ACACA: variants seen among roughly 807,000 people sequenced by gnomAD.
ACACA encodes acetyl-CoA carboxylase 1.
A neutral mutation model predicts 296.1 loss-of-function variants in ACACA; 103 were observed. The observed-to-expected ratio is 0.35, with a 90% CI of 0.30 to 0.41. The LOEUF is 0.41. ACACA is among the 10% of genes least tolerant of loss of function. The probability of loss-of-function intolerance (pLI) is 1.00; values close to 1 mark genes in which losing one functional copy is unlikely to be tolerated. For missense variants in ACACA, 1,554 were observed against 2,989.7 expected (o/e 0.52, Z 11.20); for synonymous variants, 953 against 1,038.6 (o/e 0.92, Z 1.58).
intron 50 of ACACA, among the ~76,000 whole-genome samples, chr17:37,119,183 A>G (rs754531690): frequency 3.9e-5 from 6 of 152,226 alleles, no homozygotes; most frequent in Non-Finnish European, 8.8e-5. Flanking sequence ...AGGGGTTTTC[A>G]GGCCCCCCTT....
At chr17:37,250,039 C>T (rs1226482327) in intron 16 of ACACA, among the ~76,000 whole-genome samples, 1 of 152,188 alleles carries the variant, frequency 6.6e-6, no homozygotes, top group Non-Finnish European at 1.5e-5. Context: ...CTTTGCCTTC[C>T]GCCATGATTG....
intron 45 of ACACA, among the ~76,000 whole-genome samples, chr17:37,146,594 C>T (rs1356398430): frequency 2.1e-5 from 3 of 145,254 alleles, no homozygotes; most frequent in Non-Finnish European, 3.0e-5. Flanking sequence ...CAAATAACAA[C>T]CTCGTGGTTT....
intron 25 of ACACA, among the ~76,000 whole-genome samples, chr17:37,234,537 C>A (rs2080017878): frequency 2.0e-5 from 3 of 152,052 alleles, no homozygotes; most frequent in African/African-American, 7.2e-5. Context: ...ATTTAAATTT[C>A]TCTGGTCAGA....
chr17:37,296,306 T>C (rs1268122578), intron 3 of ACACA, among the ~76,000 whole-genome samples: 1 of 144,316 alleles, frequency 6.9e-6, no homozygotes, highest in Non-Finnish European at 1.5e-5. Context: ...GGAGCCTTTT[T>C]TTTTTTTTTT....
intron 1 of ACACA, among the ~76,000 whole-genome samples, chr17:37,390,149 T>TAC (rs2050740567): frequency 3.6e-5 from 1 of 27,612 alleles, no homozygotes. Context: ...AGTATATATA[T>TAC]ATATATATAT....
chr17:37,343,763 CA>C (rs1161272864), intron 1 of ACACA, among the ~76,000 whole-genome samples: 4,253 of 67,154 alleles, frequency 0.063, 68 homozygotes, highest in African/African-American at 0.11. Context: ...GACTCTGTCT[CA>C]AAAAAAAAAA....
chr17:37,216,604 T>A (rs545615896), intron 29 of ACACA, among the ~76,000 whole-genome samples: 1 of 151,880 alleles, frequency 6.6e-6, no homozygotes, highest in African/African-American at 2.4e-5. Context: ...CCGCAACATG[T>A]CAAACAATGC....
chr17:37,274,380 CTA>C, intron 8 of ACACA, 81 bp from the exon 9 acceptor site: 1 of 1,336,046 alleles, frequency 7.5e-7, no homozygotes, highest in Non-Finnish European at 1.1e-6. Context: ...CTTTGAAATG[CTA>C]TCATATTTAC....
chr17:37,359,701 T>C (rs1203942073), intron 1 of ACACA, among the ~76,000 whole-genome samples: 1 of 152,120 alleles, frequency 6.6e-6, no homozygotes, highest in Non-Finnish European at 1.5e-5. Flanking sequence ...TGTTTAATCC[T>C]AACACATTAA....
intron 3 of ACACA, among the ~76,000 whole-genome samples, chr17:37,305,933 G>A (rs552516065): frequency 7.3e-6 from 1 of 137,664 alleles, no homozygotes; most frequent in Admixed American, 7.6e-5. Flanking sequence ...TTTTGAGACG[G>A]AGTCTTGTTC....
chr17:37,347,114 C>T lies in ACACA; in HGVS notation c.39-7264G>A, dbSNP rs563698045. Among the ~76,000 whole-genome samples the T allele has an allele frequency of 6.6e-5, 10 of 152,192 alleles. No individual in the cohort carries two copies. The South Asian group carries it at 1.7e-3, about 25-fold the overall frequency. On this transcript the variant is annotated intron_variant, in intron 1 of 55. Coordinates refer to ENST00000616317, the MANE Select transcript of ACACA (RefSeq NM_198834.3). ...TGGGAGGGACCTGGTGGGAGGTAAT[C>T]GAATCCTGGGGGTGGGTCTTTCCCA...
intron 3 of ACACA, chr17:37,328,955 G>A (rs2047738043): frequency 5.0e-6 from 2 of 398,460 alleles, no homozygotes. Flanking sequence ...TGAGAACCAA[G>A]AACCACTGAT....
intron 2 of ACACA, 76 bp downstream of exon 2, chr17:37,339,728 G>T: frequency 1.1e-6 from 1 of 924,256 alleles, no homozygotes; most frequent in Non-Finnish European, 1.7e-6. Flanking sequence ...TAACACAAAA[G>T]CCTACAGTTT....
chr17:37,275,509 A>AAG (rs1555625720), intron 8 of ACACA, among the ~76,000 whole-genome samples: 6 of 151,010 alleles, frequency 4.0e-5, no homozygotes, highest in African/African-American at 1.2e-4. Context: ...AAAAAAAAAA[A>AAG]AAAAGAAAAA....
In ACACA at chr17:37,402,146, T is replaced by C. The variant is rs993905777; in HGVS notation, c.38+4116A>G. Among the ~76,000 whole-genome samples, 48 of 152,186 alleles carry C rather than the reference T, an allele frequency of 3.2e-4. 1 individual carries two copies. Among genetic ancestry groups the C allele is most frequent in the African/African-American group, 1.2e-3 (48 of 41,516 alleles). The stretch of plus-strand genomic sequence containing the variant: ...TATGGCTTAAAGAGGACAAAAGGTG[T>C]TTTTTTGGGTTCCTTTACAGAGATA... On this transcript the variant is annotated intron_variant, in intron 1 of 55. Transcript: ENST00000616317.
chr17:37,321,382 T>C (rs191969284), intron 3 of ACACA, among the ~76,000 whole-genome samples: 6 of 152,148 alleles, frequency 3.9e-5, no homozygotes, highest in Admixed American at 2.0e-4. Flanking sequence ...CCCAGCACTT[T>C]GGGAGGCCAA....
chr17:37,249,130 C>T (rs905239522), intron 16 of ACACA, among the ~76,000 whole-genome samples: 1 of 152,180 alleles, frequency 6.6e-6, no homozygotes, highest in Admixed American at 6.5e-5. Flanking sequence ...TTGTGACAGG[C>T]TTAATTCACT....
intron 39 of ACACA, among the ~76,000 whole-genome samples, chr17:37,187,989 G>C (rs1395073799): frequency 6.6e-6 from 1 of 152,164 alleles, no homozygotes; most frequent in Non-Finnish European, 1.5e-5. Context: ...TAAAAAAAGA[G>C]CCTAAATTGC....
rs1474817882 is a variant in ACACA, at chr17:37,122,514, TAC to T, written c.6138+15_6138+16del. ...AACCCTCCAAGCACAGCCCCCAGTGTACTTGAGGTGGCCTACCTTGGCTTCAG... is the reference window on the plus strand; with the variant it reads ...AACCCTCCAAGCACAGCCCCCAGTGTTTGAGGTGGCCTACCTTGGCTTCAG... On this transcript the variant is annotated intron_variant, in intron 49 of 55. Coordinates refer to ENST00000616317, the MANE Select transcript of ACACA (RefSeq NM_198834.3). 6.2e-7 allele frequency: 1 copy of T among 1,606,760 alleles called. No homozygotes were observed. The highest frequency in any genetic ancestry group is 8.5e-7 in the Non-Finnish European group (1 of 1,173,274).
Sources: allele counts gnomAD v4.1 joint callset (sites outside exome capture counted in the v4.1 genomes callset), GRCh38; gene constraint gnomAD v4.1.1; transcripts MANE v1.5; gene names NCBI Gene and HGNC (gene_info 2026-07-23, HGNC 2026-07-21).